ANXA2: variants seen among roughly 807,000 people sequenced by gnomAD.
ANXA2 encodes annexin II.
Under a neutral mutation model 47.3 loss-of-function variants are expected in ANXA2, and 28 were observed. That is an observed-to-expected ratio of 0.59 (90% confidence interval 0.44 to 0.81). The LOEUF (loss-of-function observed/expected upper bound fraction) is 0.81, where lower values mean the gene tolerates loss of function less well. ANXA2 is among the 40% of genes least tolerant of loss of function. ANXA2 has a pLI of 0.00. For missense variants in ANXA2, 384 were observed against 414.3 expected (o/e 0.93, Z 0.64); for synonymous variants, 172 against 155.5 (o/e 1.11, Z -0.79).
intron 3 of ANXA2, among the ~76,000 whole-genome samples, chr15:60,377,552 A>G (rs904459853): frequency 6.6e-6 from 1 of 152,354 alleles, no homozygotes; most frequent in Non-Finnish European, 1.5e-5. Flanking sequence ...CCCAATGCAT[A>G]TAAAAGTGTG....
chr15:60,352,438 A>G lies in ANXA2; in HGVS notation c.627T>C (p.Asp209=). Residue 209 remains aspartate, a synonymous_variant, in exon 9 of 13, where the codon GAT becomes GAC. Coordinates refer to ENST00000451270, the MANE Select transcript of ANXA2 (RefSeq NM_004039.3). The surrounding 1 kb of genome is among the most constrained non-coding windows in gnomAD (Gnocchi z 4.2). The part of the protein sequence containing the change: ...YDAGVKRKGT[D]VPKWISIMTE... ...TCATGATGCTGATCCACTTGGGAAC[A>G]TCAGTTCCTTTCCTCTTCACTCCAG... The G allele has an allele frequency of 5.0e-6, 8 of 1,613,872 alleles. No homozygotes were observed. The highest frequency in any genetic ancestry group is 6.8e-6 in the Non-Finnish European group (8 of 1,179,828).
intron 1 of ANXA2, chr15:60,392,924 CA>C: frequency 2.0e-6 from 2 of 1,004,286 alleles, no homozygotes; most frequent in South Asian, 3.7e-5. Context: ...GTCTACAGGC[CA>C]CACTGGAATT....
intron 1 of ANXA2, among the ~76,000 whole-genome samples, chr15:60,388,681 C>T (rs990945548): frequency 2.7e-5 from 4 of 150,162 alleles, no homozygotes; most frequent in African/African-American, 9.8e-5. Flanking sequence ...GCAATCCCTC[C>T]GCCTTAGCCT....
At chr15:60,397,361 C>A (rs1421844887) in intron 1 of ANXA2, 4 of 977,322 alleles carry the variant, frequency 4.1e-6, no homozygotes, top group Admixed American at 6.1e-5. Context: ...GAATAACTGA[C>A]GTTTTAATGT....
chr15:60,363,055 A>AAAAAAAAAAAAAAAAC (rs1281046653), intron 4 of ANXA2: 1 of 125,650 alleles, frequency 8.0e-6, no homozygotes, highest in Non-Finnish European at 1.7e-5. Context: ...AAAAAAAAAA[A>AAAAAAAAAAAAAAAAC]AAAGTTTCAG....
chr15:60,386,010 T>C lies in ANXA2; in HGVS notation c.48+18A>G. 1 of 1,593,270 alleles carries C rather than the reference T, an allele frequency of 6.3e-7. No homozygotes were observed. Among genetic ancestry groups the C allele is most frequent in the Non-Finnish European group, 8.6e-7 (1 of 1,165,426 alleles). On this transcript the variant is annotated intron_variant, in intron 2 of 12. Transcript: ENST00000451270. ...TCCAACTTGCAAAAATTATATAAAG[T>C]GAAAGTGATATACTTACATCACCCT...
At chr15:60,369,372 G>C (rs564879900) in intron 3 of ANXA2, among the ~76,000 whole-genome samples, 1 of 152,128 alleles carries the variant, frequency 6.6e-6, no homozygotes, top group African/African-American at 2.4e-5. Flanking sequence ...GTTTATTAAC[G>C]TGTTTTGCCT....
chr15:60,392,243 G>T (rs2063022608), intron 1 of ANXA2, among the ~76,000 whole-genome samples: 1 of 152,168 alleles, frequency 6.6e-6, no homozygotes. Flanking sequence ...GTGCAAGGCT[G>T]ATCATTAATG....
chr15:60,374,636 G>A (rs1350881661), intron 3 of ANXA2: 1 of 455,936 alleles, frequency 2.2e-6, no homozygotes, highest in Non-Finnish European at 4.4e-6. Flanking sequence ...AAGGCACCAA[G>A]GACTCCTTTT....
intron 3 of ANXA2, among the ~76,000 whole-genome samples, chr15:60,364,750 C>T (rs1232439109): frequency 1.3e-5 from 2 of 152,068 alleles, no homozygotes; most frequent in South Asian, 2.1e-4. Flanking sequence ...CTTAAATGGA[C>T]CTTTTAAATA....
chr15:60,353,801 G>A lies in ANXA2; in HGVS notation c.588+353C>T, dbSNP rs116681259. On this transcript the variant is annotated intron_variant, in intron 8 of 12. Transcript: ENST00000451270. The stretch of plus-strand genomic sequence containing the variant: ...GGGAAAGCCGGCTGCCATGTTGTGA[G>A]GACGCTCAAACAACCCCATGGAGAG... 5.6e-3 allele frequency among the ~76,000 whole-genome samples: 852 copies of A among 152,244 alleles called. 7 individuals are homozygous for A. The highest frequency in any genetic ancestry group is 0.019 in the African/African-American group (787 of 41,524).
chr15:60,349,841 AAGGGAGGGAGGTGAAGGC>A lies in ANXA2; in HGVS notation c.838-662_838-645del, dbSNP rs1893281715. Among the ~76,000 whole-genome samples the A allele has an allele frequency of 3.3e-5, 4 of 119,880 alleles. No homozygotes were observed. In the South Asian group the frequency reaches 1.3e-3, roughly 38 times the overall value. 78.6% of individuals were successfully genotyped at this position (119,880 alleles called of 152,430 possible). ...GAAGGAAAGGGAGGGAGGGGAAGGAAAGGGAGGGAGGTGAAGGCAGGGAGGCAGGGGAAGGCAAGGAGG... is the reference window on the plus strand; with the variant it reads ...GAAGGAAAGGGAGGGAGGGGAAGGAAAGGGAGGCAGGGGAAGGCAAGGAGG... On this transcript the variant is annotated intron_variant, in intron 11 of 12. Coordinates refer to ENST00000451270, the MANE Select transcript of ANXA2 (RefSeq NM_004039.3).
intron 1 of ANXA2, among the ~76,000 whole-genome samples, chr15:60,395,454 G>C (rs1595715042): frequency 1.3e-5 from 2 of 152,174 alleles, no homozygotes; most frequent in African/African-American, 4.8e-5. Flanking sequence ...GCAGGCTCCA[G>C]GCTCTGCACA....
intron 3 of ANXA2, among the ~76,000 whole-genome samples, chr15:60,376,582 G>C (rs1319279749): frequency 6.6e-6 from 1 of 152,202 alleles, no homozygotes; most frequent in Admixed American, 6.5e-5. Flanking sequence ...ATTCTCTCGA[G>C]GGTGCCAGGA....
intron 6 of ANXA2, among the ~76,000 whole-genome samples, chr15:60,356,515 C>T (rs527409322): frequency 4.0e-5 from 6 of 150,040 alleles, no homozygotes; most frequent in South Asian, 2.1e-4. Flanking sequence ...GTTCCTGATA[C>T]AAAAAAAAAG....
At chr15:60,381,833 C>T (rs2062864211) in intron 3 of ANXA2, among the ~76,000 whole-genome samples, 1 of 152,138 alleles carries the variant, frequency 6.6e-6, no homozygotes, top group Admixed American at 6.5e-5. Flanking sequence ...TTAGGGACCA[C>T]TATGACCAAC....
intron 3 of ANXA2, among the ~76,000 whole-genome samples, chr15:60,375,203 G>C (rs1252908585): frequency 1.3e-5 from 2 of 152,154 alleles, no homozygotes; most frequent in African/African-American, 4.8e-5. Flanking sequence ...ACTTCGTGCA[G>C]TTATGCTTCT....
intron 1 of ANXA2, among the ~76,000 whole-genome samples, chr15:60,397,645 C>T (rs759111529): frequency 1.3e-5 from 2 of 152,002 alleles, no homozygotes; most frequent in Non-Finnish European, 2.9e-5. Context: ...CCTCTCCCCA[C>T]GCCGCCTCGC....
chr15:60,396,953 T>C (rs1282955297), intron 1 of ANXA2, among the ~76,000 whole-genome samples: 7 of 152,264 alleles, frequency 4.6e-5, no homozygotes, highest in Non-Finnish European at 8.8e-5. Flanking sequence ...TTGTGTACTT[T>C]ACACATTTAT....
Sources: gnomAD v4.1 joint callset for allele counts (sites outside exome capture counted in the v4.1 genomes callset) on GRCh38, gnomAD v4.1.1 for gene constraint, Gnocchi (gnomAD v3.1) non-coding constraint, MANE v1.5 for transcripts, NCBI Gene and HGNC (gene_info 2026-07-23, HGNC 2026-07-21) for gene names.